The following PHLPP1 variants were observed in gnomAD, a reference collection of about 807,000 sequenced individuals.
PHLPP1 encodes the protein PH domain leucine-rich repeat-containing protein phosphatase 1.
A neutral mutation model predicts 117.2 loss-of-function variants in PHLPP1; 42 were observed. That is an observed-to-expected ratio of 0.36 (90% CI 0.28 to 0.46). The LOEUF (loss-of-function observed/expected upper bound fraction) is 0.46, where lower values mean the gene tolerates loss of function less well. Ranked by LOEUF, PHLPP1 falls within the 20% of genes least tolerant of loss-of-function variation. The pLI is 1.00. For missense variants in PHLPP1, 2,084 were observed against 2,241.9 expected, an observed-to-expected ratio of 0.93 and a Z score of 1.42; for synonymous variants, 1,042 against 970.7, an observed-to-expected ratio of 1.07 and a Z score of -1.37.
At chr18:62,915,826 T>A (rs1000823211) in intron 9 of PHLPP1, among the ~76,000 whole-genome samples, 2 of 152,220 alleles carry the variant, frequency 1.3e-5, no homozygotes, top group East Asian at 1.9e-4. Flanking sequence ...CTAATGTGAC[T>A]GAGGAACTGA....
chr18:62,977,103 G>A (rs1911210255), intron 16 of PHLPP1, among the ~76,000 whole-genome samples: 1 of 152,142 alleles, frequency 6.6e-6, no homozygotes, highest in African/African-American at 2.4e-5. Flanking sequence ...GGCAGTTTAA[G>A]GTTGTGCTTG....
At chr18:62,956,651 G>A (rs1910618669) in intron 12 of PHLPP1, among the ~76,000 whole-genome samples, 1 of 152,030 alleles carries the variant, frequency 6.6e-6, no homozygotes, top group African/African-American at 2.4e-5. Context: ...TGCTAACCCT[G>A]GGTGTGTTAG....
chr18:62,826,158 G>GTT (rs35765989), intron 1 of PHLPP1: 1,895 of 275,466 alleles, frequency 6.9e-3, no homozygotes, highest in South Asian at 0.013. Context: ...TTATTTATTT[G>GTT]TTTTTTTTTT....
At chr18:62,897,063 T>C (rs1916581261) in intron 6 of PHLPP1, among the ~76,000 whole-genome samples, 1 of 152,242 alleles carries the variant, frequency 6.6e-6, no homozygotes. Context: ...GAGTTCCTTG[T>C]ATTTAGAAAA....
At chr18:62,731,066 A>G (rs1911211552) in intron 1 of PHLPP1, among the ~76,000 whole-genome samples, 1 of 152,080 alleles carries the variant, frequency 6.6e-6, no homozygotes, top group Non-Finnish European at 1.5e-5. Flanking sequence ...CTTTGCAGAT[A>G]TTGCATTTCT....
At chr18:62,804,709 CCT>C (rs1334663478) in intron 1 of PHLPP1, among the ~76,000 whole-genome samples, 1 of 151,474 alleles carries the variant, frequency 6.6e-6, no homozygotes, top group Admixed American at 6.6e-5. Flanking sequence ...CCCCCATCCC[CCT>C]CTTTTTTTTA....
At chr18:62,921,510 T>G (rs1909468799) in intron 10 of PHLPP1, among the ~76,000 whole-genome samples, 1 of 152,240 alleles carries the variant, frequency 6.6e-6, no homozygotes, top group South Asian at 2.1e-4. Context: ...TGTATTGTAA[T>G]TTCTTGTTCA....
chr18:62,829,993 T>C, intron 1 of PHLPP1, 42 bp from the exon 2 acceptor site: 1 of 1,476,266 alleles, frequency 6.8e-7, no homozygotes, highest in Non-Finnish European at 9.3e-7. Flanking sequence ...AGGAAAAGGG[T>C]CCATTTTAAA....
intron 3 of PHLPP1, among the ~76,000 whole-genome samples, chr18:62,854,446 G>A (rs577465547): frequency 4.6e-5 from 7 of 152,296 alleles, no homozygotes; most frequent in African/African-American, 1.4e-4. Context: ...ACCCCTCCTC[G>A]GAAATCTGTA....
chr18:62,789,937 A>T (rs1341070060), intron 1 of PHLPP1, among the ~76,000 whole-genome samples: 1 of 152,180 alleles, frequency 6.6e-6, no homozygotes, highest in Non-Finnish European at 1.5e-5. Flanking sequence ...CATTTATCGC[A>T]GTTGAAGTCC....
intron 4 of PHLPP1, among the ~76,000 whole-genome samples, chr18:62,874,344 C>G (rs907597959): frequency 6.6e-6 from 1 of 152,094 alleles, no homozygotes. Context: ...CCTATCTCTA[C>G]TAAAAATACA....
chr18:62,933,136 A>T (rs974318461), intron 10 of PHLPP1, among the ~76,000 whole-genome samples: 3 of 152,250 alleles, frequency 2.0e-5, no homozygotes, highest in African/African-American at 7.2e-5. Context: ...GTGGAAAAAC[A>T]TTCCATGCTC....
intron 10 of PHLPP1, among the ~76,000 whole-genome samples, chr18:62,928,917 T>C (rs915254075): frequency 2.0e-5 from 3 of 152,208 alleles, no homozygotes; most frequent in African/African-American, 7.2e-5. Flanking sequence ...ATGATTCTTT[T>C]TATATGAAAT....
intron 1 of PHLPP1, among the ~76,000 whole-genome samples, chr18:62,813,258 G>C (rs1914175145): frequency 6.6e-6 from 1 of 152,212 alleles, no homozygotes. Flanking sequence ...CACATTTGAA[G>C]AAGATACCTT....
chr18:62,722,789 T>G (rs1910961735), intron 1 of PHLPP1, among the ~76,000 whole-genome samples: 1 of 152,310 alleles, frequency 6.6e-6, no homozygotes, highest in African/African-American at 2.4e-5. Flanking sequence ...ACTCAAGTAC[T>G]TAGGAAGAAT....
chr18:62,956,605 A>G (rs1248873439), intron 12 of PHLPP1, among the ~76,000 whole-genome samples: 1 of 152,168 alleles, frequency 6.6e-6, no homozygotes, highest in African/African-American at 2.4e-5. Flanking sequence ...TTTAAAAAAT[A>G]TATATGAATA....
intron 8 of PHLPP1, among the ~76,000 whole-genome samples, chr18:62,912,622 CTT>C (rs1242496812): frequency 6.6e-6 from 1 of 151,594 alleles, no homozygotes; most frequent in Non-Finnish European, 1.5e-5. Flanking sequence ...CAGTTCTTTT[CTT>C]TTTTTGTTTT....
intron 1 of PHLPP1, among the ~76,000 whole-genome samples, chr18:62,756,124 G>T (rs1027805822): frequency 6.6e-6 from 1 of 151,572 alleles, no homozygotes; most frequent in East Asian, 1.9e-4. Flanking sequence ...TTAGTGGCTT[G>T]AAATAATAAA....
chr18:62,935,374 T>A, intron 10 of PHLPP1, among the ~76,000 whole-genome samples: 1 of 152,206 alleles, frequency 6.6e-6, no homozygotes, highest in East Asian at 1.9e-4. Flanking sequence ...ATTTGCAAAT[T>A]TGAACAAATG....
Sources: gnomAD v4.1 joint callset for allele counts (sites outside exome capture counted in the v4.1 genomes callset) on GRCh38, gnomAD v4.1.1 for gene constraint, MANE v1.5 for transcripts, NCBI Gene and HGNC (gene_info 2026-07-23, HGNC 2026-07-21) for gene names.